The following DEF8 variants were observed in gnomAD, a reference collection of about 807,000 sequenced individuals.
The protein encoded by DEF8 is DEF-8.
DEF8 carries 38 observed loss-of-function variants against 59.1 expected under a neutral mutation model. That is an observed-to-expected ratio of 0.64 (90% CI 0.50 to 0.84). The LOEUF is 0.84. Among genes scored for constraint, DEF8 ranks in the 40% least tolerant of loss-of-function variants. The probability of loss-of-function intolerance (pLI) is 0.00; values close to 1 mark genes in which losing one functional copy is unlikely to be tolerated. For missense variants in DEF8, 557 were observed against 615.2 expected, an observed-to-expected ratio of 0.91 and a Z score of 1.00; for synonymous variants, 265 against 250.1, an observed-to-expected ratio of 1.06 and a Z score of -0.56.
chr16:89,964,943 A>G (rs1300771236), intron 12 of DEF8, among the ~76,000 whole-genome samples: 1 of 152,160 alleles, frequency 6.6e-6, no homozygotes, highest in African/African-American at 2.4e-5. Flanking sequence ...TAGGCTAGAG[A>G]TTCCCAAACC....
At chr16:89,963,496 A>C (rs2034293198) in intron 10 of DEF8, 53 bp downstream of exon 10, 1 of 1,512,538 alleles carries the variant, frequency 6.6e-7, no homozygotes. Flanking sequence ...CAGGGTGGTG[A>C]GGCACCTCAG....
In DEF8 at chr16:89,964,445, A is replaced by G. The variant is rs767336850; in HGVS notation, c.1144-21A>G. ...CTGGCACTGACGTGCCCGTGCCCCA[A>G]CCCCACACTGTTCCCCCCAGCGGTG... On this transcript the variant is annotated intron_variant, in intron 11 of 12. Coordinates refer to ENST00000563594, the MANE Select transcript of DEF8 (RefSeq NM_001242818.2). 15 of 1,570,322 alleles carry G rather than the reference A, an allele frequency of 9.6e-6. 1 individual carries two copies. The highest frequency in any genetic ancestry group is 1.7e-4 in the Middle Eastern group (1 of 5,944).
Position 89,962,042 on chromosome 16 carries a change from C to G in DEF8, c.838C>G (p.Leu280Val). 6.2e-7 allele frequency: 1 copy of G among 1,614,066 alleles called. No homozygotes were observed. Residue 280 changes from leucine to valine, a missense_variant, in exon 9 of 13, where the codon CTG becomes GTG. Leu to Val is a conservative substitution (Grantham distance 32). Transcript: ENST00000563594. The stretch of plus-strand genomic sequence containing the variant: ...TCGCTGCAGCATGCGCTACCTGGCG[C>G]TGATGGTGTCTCGGCCCGTACTCAG... ...VSRCSMRYLALMVSRPVLRLR... is the reference protein window; with the variant it reads ...VSRCSMRYLAVMVSRPVLRLR...
chr16:89,961,519 C>T (rs1303141010), intron 7 of DEF8, among the ~76,000 whole-genome samples: 1 of 152,190 alleles, frequency 6.6e-6, no homozygotes, highest in Non-Finnish European at 1.5e-5. Context: ...GAAGTCCCTG[C>T]CTCGGTCCTA....
intron 2 of DEF8, among the ~76,000 whole-genome samples, chr16:89,952,136 C>T (rs2032263377): frequency 1.3e-5 from 2 of 152,228 alleles, no homozygotes; most frequent in South Asian, 2.1e-4. Context: ...CTCGGCCTCC[C>T]AATGTGCTGG....
In DEF8 at chr16:89,964,136, G is replaced by A. The variant is rs377044270; in HGVS notation, c.1003-34G>A. ...GTGGGCGGTGGGAGGGGCCCTCCCC[G>A]GTGCAGGGCGTCACGGCTGCTGGGA... On this transcript the variant is annotated intron_variant, in intron 10 of 12. Transcript: ENST00000563594. 45 of 1,613,694 alleles carry A rather than the reference G, an allele frequency of 2.8e-5. No individual in the cohort carries two copies. In the African/African-American group the frequency reaches 3.7e-4, roughly 13 times the overall value.
chr16:89,958,149 T>C (rs2033513694), intron 5 of DEF8: 2 of 157,440 alleles, frequency 1.3e-5, no homozygotes, highest in African/African-American at 4.8e-5. Flanking sequence ...CATTGGCCAG[T>C]CCTGACCGGA....
At chr16:89,957,802 G>A in intron 5 of DEF8, 142 bp downstream of exon 5, 1 of 1,002,666 alleles carries the variant, frequency 1.0e-6, no homozygotes, top group Non-Finnish European at 1.4e-6. Flanking sequence ...AAGGGCACGA[G>A]ACAGGCAGGG....
chr16:89,962,618 T>C (rs1183185106), intron 9 of DEF8, among the ~76,000 whole-genome samples: 1 of 152,144 alleles, frequency 6.6e-6, no homozygotes, highest in African/African-American at 2.4e-5. Flanking sequence ...ATCGCGTCAC[T>C]GCACTCCAGC....
In DEF8 at chr16:89,954,468, C is replaced by T; in HGVS notation, c.124+92C>T. 2 of 1,409,082 alleles carry T rather than the reference C, an allele frequency of 1.4e-6. No homozygotes were observed. The highest frequency in any genetic ancestry group is 1.9e-6 in the Non-Finnish European group (2 of 1,038,236). The allele number at this position is 1,409,082 out of a possible 1,614,324, so 87.3% of individuals were successfully genotyped here. A position where few individuals can be genotyped will look rare whatever the true frequency, so the allele number is the denominator to read the frequency against. Reference sequence around the variant, plus strand: ...TTCTTCCTGCCGCGTCCTGCGCAGCCCTGGCTTTCCCACGGAGCCGGCACC... The same window carrying T: ...TTCTTCCTGCCGCGTCCTGCGCAGCTCTGGCTTTCCCACGGAGCCGGCACC... On this transcript the variant is annotated intron_variant, in intron 3 of 12. Transcript: ENST00000563594. This position sits in a 1 kb window ranked among gnomAD's most constrained non-coding sequence, Gnocchi z 4.3.
chr16:89,963,583 A>C, intron 10 of DEF8, 140 bp downstream of exon 10: 1 of 643,954 alleles, frequency 1.6e-6, no homozygotes. Context: ...CCAAGGAACA[A>C]AGCAAACAGG....
chr16:89,959,096 C>T lies in DEF8; in HGVS notation c.455C>T (p.Thr152Ile). 1.9e-6 allele frequency: 3 copies of T among 1,613,898 alleles called. No homozygotes were observed. The highest frequency in any genetic ancestry group is 2.5e-6 in the Non-Finnish European group (3 of 1,180,030). ...YKEKSKSVKQ[T>I]CDKCNTIIWG... Reference sequence around the variant, plus strand: ...GAGAAGAGCAAGAGCGTCAAGCAGACCTGTGACAAGTGTAACACCATCATC... The same window carrying T: ...GAGAAGAGCAAGAGCGTCAAGCAGATCTGTGACAAGTGTAACACCATCATC... The change falls in exon 6 of 13, where the codon ACC becomes ATC. Residue 152 changes from threonine (T) to isoleucine (I), a missense_variant. Transcript: ENST00000563594.
rs184624117 is a variant in DEF8, at chr16:89,960,973, C to T, written c.557C>T (p.Ser186Phe). 1 of 1,614,108 alleles carries T rather than the reference C, an allele frequency of 6.2e-7. No individual in the cohort carries two copies. The highest frequency in any genetic ancestry group is 1.3e-5 in the African/African-American group (1 of 75,044). ...CACAGTAAGTGCTTGAACCTCATCT[C>T]CAAGCCCTGTGTGAGCTCCAAAGTC... ...RCHSKCLNLI[S>F]KPCVSSKVSH... The change falls in exon 7 of 13, where the codon TCC (serine) becomes TTC (phenylalanine). Residue 186 changes from serine to phenylalanine, a missense_variant. By Grantham distance (155) the Ser-to-Phe change is radical. Transcript: ENST00000563594.
At chr16:89,965,661 AG>A (rs2034545314) in intron 12 of DEF8, among the ~76,000 whole-genome samples, 199 bp from the exon 13 acceptor site, 1 of 152,110 alleles carries the variant, frequency 6.6e-6, no homozygotes, top group African/African-American at 2.4e-5. Flanking sequence ...AGGTAGCGTG[AG>A]GACCCCTGGA....
In DEF8 at chr16:89,955,243, G is replaced by C; in HGVS notation, c.199G>C (p.Glu67Gln). The C allele has an allele frequency of 3.1e-6, 5 of 1,613,792 alleles. No individual in the cohort carries two copies. The highest frequency in any genetic ancestry group is 4.2e-6 in the Non-Finnish European group (5 of 1,179,938). The change falls in exon 4 of 13, where the codon GAG (glutamate) becomes CAG (glutamine). Residue 67 changes from glutamate to glutamine, a missense_variant. Physicochemically the swap from Glu to Gln is conservative, Grantham distance 29. Coordinates refer to ENST00000563594, the MANE Select transcript of DEF8 (RefSeq NM_001242818.2). ...PERVMDLGLS[E>Q]DHFSRPVGLF... ...ACGCGTGATGGATCTCGGCCTGTCTGAGGACCACTTCTCCCGCCCTGTGGT... is the reference window on the plus strand; with the variant it reads ...ACGCGTGATGGATCTCGGCCTGTCTCAGGACCACTTCTCCCGCCCTGTGGT...
rs529506375 is a variant in DEF8, at chr16:89,957,778, A to G, written c.372+118A>G. On this transcript the variant is annotated intron_variant, in intron 5 of 12. Transcript: ENST00000563594. ...AGGCGGTGGTCTCTCTCTCGGCCTCAGGGGCTGAGGTAGAAGGGCACGAGA... is the reference window on the plus strand; with the variant it reads ...AGGCGGTGGTCTCTCTCTCGGCCTCGGGGGCTGAGGTAGAAGGGCACGAGA... 81 of 1,269,664 alleles carry G rather than the reference A, an allele frequency of 6.4e-5. No homozygotes were observed. The East Asian group carries it at 1.6e-3, about 26-fold the overall frequency. 78.6% of individuals were successfully genotyped at this position (1,269,664 alleles called of 1,614,324 possible). A position where few individuals can be genotyped will look rare whatever the true frequency, so the allele number is the denominator to read the frequency against.
intron 2 of DEF8, among the ~76,000 whole-genome samples, chr16:89,953,585 T>C (rs1362611897): frequency 6.6e-6 from 1 of 152,138 alleles, no homozygotes; most frequent in Non-Finnish European, 1.5e-5. Context: ...AGAGCCTGGA[T>C]GCATTTGTAG....
Position 89,965,873 on chromosome 16 carries a change from C to T in DEF8, c.1266C>T (p.Tyr422=), listed in dbSNP as rs201182803. The part of the protein sequence containing the change: ...CSAVFHRDCY[Y]DNSTTCPKCA... Reference sequence around the variant, plus strand: ...TTTCTGCCCCCAGGGACTGCTACTACGACAACTCCACCACTTGTCCCAAGT... The same window carrying T: ...TTTCTGCCCCCAGGGACTGCTACTATGACAACTCCACCACTTGTCCCAAGT... The change falls in exon 13 of 13, where the codon TAC becomes TAT. Residue 422 remains tyrosine (Y), a synonymous_variant. Transcript: ENST00000563594. The T allele has an allele frequency of 5.6e-5, 91 of 1,613,004 alleles. No individual in the cohort carries two copies. The highest frequency in any genetic ancestry group is 4.2e-4 in the Admixed American group (25 of 59,982).
intron 12 of DEF8, 98 bp from the exon 13 acceptor site, chr16:89,965,763 G>A (rs568131216): frequency 1.9e-5 from 14 of 723,860 alleles, no homozygotes; most frequent in African/African-American, 3.6e-5. Flanking sequence ...CTTTGGTAAC[G>A]GCTGTAGAGG....
Sources: allele counts gnomAD v4.1 joint callset (sites outside exome capture counted in the v4.1 genomes callset), GRCh38; gene constraint gnomAD v4.1.1; non-coding constraint Gnocchi (gnomAD v3.1); transcripts MANE v1.5; gene names NCBI Gene and HGNC (gene_info 2026-07-23, HGNC 2026-07-21).